Variants in PRTG observed in about 807,000 individuals in gnomAD.
PRTG encodes immunoglobulin superfamily, DCC subclass, member 5.
In PRTG, 67 loss-of-function variants were observed where a neutral mutation model predicts 122.5. That is an observed-to-expected ratio of 0.55 (90% confidence interval 0.45 to 0.67). The LOEUF (loss-of-function observed/expected upper bound fraction) is 0.67. Among genes scored for constraint, PRTG ranks in the 30% least tolerant of loss-of-function variants. PRTG has a pLI of 0.00. For missense variants in PRTG, 1,435 were observed against 1,415.4 expected (o/e 1.01, Z -0.22); for synonymous variants, 554 against 501.1 (o/e 1.11, Z -1.41).
intron 2 of PRTG, among the ~76,000 whole-genome samples, chr15:55,693,241 G>C (rs548777295): frequency 3.9e-5 from 6 of 152,220 alleles, no homozygotes; most frequent in South Asian, 2.1e-4. Flanking sequence ...CAGATCACCT[G>C]AGATCGGGTG....
chr15:55,642,429 C>T (rs915755125), intron 11 of PRTG, among the ~76,000 whole-genome samples: 2 of 151,640 alleles, frequency 1.3e-5, no homozygotes, highest in African/African-American at 4.8e-5. Context: ...TGAGCCCTGC[C>T]AACATGGTGA....
At chr15:55,678,163 A>T in intron 7 of PRTG, 119 bp from the exon 8 acceptor site, 1 of 680,116 alleles carries the variant, frequency 1.5e-6, no homozygotes, top group Non-Finnish European at 2.4e-6. Flanking sequence ...ATTAAAATCA[A>T]GCATTTGTAG....
intron 2 of PRTG, among the ~76,000 whole-genome samples, chr15:55,701,870 T>C (rs2029904500): frequency 6.6e-6 from 1 of 152,186 alleles, no homozygotes; most frequent in Admixed American, 6.5e-5. Context: ...AATATATAAT[T>C]CTACTATTTA....
At chr15:55,644,028 C>T (rs948931329) in intron 11 of PRTG, among the ~76,000 whole-genome samples, 1 of 151,942 alleles carries the variant, frequency 6.6e-6, no homozygotes, top group Non-Finnish European at 1.5e-5. Flanking sequence ...CCACACCTGG[C>T]TAATTTCCCC....
intron 5 of PRTG, 128 bp downstream of exon 5, chr15:55,680,363 C>A: frequency 1.7e-6 from 2 of 1,192,746 alleles, no homozygotes; most frequent in African/African-American, 1.5e-5. Context: ...CACTGAAATG[C>A]CAAAAAAATT....
rs144954749 is a variant in PRTG at position 55,661,821 on chromosome 15, C to T, written c.2041+10624G>A. ...CTAAAGCAGTAAAACAACTTCAGGC[C>T]TACAAAAGTGATGACCATTTAGGCA... On this transcript the variant is annotated intron_variant, in intron 11 of 19. Transcript: ENST00000389286. 5.3e-4 allele frequency among the ~76,000 whole-genome samples: 81 copies of T among 151,826 alleles called. No individual in the cohort carries two copies. The East Asian group carries it at 0.014, about 26-fold the overall frequency.
At chr15:55,680,454 G>A in intron 5 of PRTG, 37 bp downstream of exon 5, 4 of 1,527,618 alleles carry the variant, frequency 2.6e-6, no homozygotes, top group South Asian at 1.3e-5. Flanking sequence ...CAAAATTTAA[G>A]GAAAAGACTT....
At chr15:55,651,535 G>T (rs1026098567) in intron 11 of PRTG, among the ~76,000 whole-genome samples, 1 of 152,112 alleles carries the variant, frequency 6.6e-6, no homozygotes, top group African/African-American at 2.4e-5. Context: ...GATTGAAGAT[G>T]AACTAAGATA....
At chr15:55,654,393 A>G (rs1405863752) in intron 11 of PRTG, among the ~76,000 whole-genome samples, 1 of 152,232 alleles carries the variant, frequency 6.6e-6, no homozygotes, top group African/African-American at 2.4e-5. Context: ...AAAGCGAGTA[A>G]AATGGAGTGA....
intron 11 of PRTG, chr15:55,656,188 G>A: frequency 3.5e-6 from 1 of 284,700 alleles, no homozygotes; most frequent in South Asian, 3.5e-5. Flanking sequence ...CTTTATAACT[G>A]CTTTTCCCCA....
At chr15:55,632,384 G>C (rs1187685390) in intron 15 of PRTG, among the ~76,000 whole-genome samples, 2 of 152,064 alleles carry the variant, frequency 1.3e-5, no homozygotes, top group East Asian at 3.9e-4. Flanking sequence ...CTATGAAATG[G>C]TCTCCTAGCT....
At chr15:55,629,371 A>ATGTGTGTGTG (rs1457708289) in intron 15 of PRTG, among the ~76,000 whole-genome samples, 116 of 35,498 alleles carry the variant, frequency 3.3e-3, no homozygotes, top group African/African-American at 6.1e-3. Flanking sequence ...ATATATATAT[A>ATGTGTGTGTG]TATATGTGTG....
chr15:55,631,102 T>G (rs867679892), intron 15 of PRTG, among the ~76,000 whole-genome samples: 2 of 152,170 alleles, frequency 1.3e-5, no homozygotes, highest in Non-Finnish European at 2.9e-5. Context: ...CTTGTTTTCA[T>G]GTTCTCTGGT....
intron 11 of PRTG, among the ~76,000 whole-genome samples, chr15:55,643,335 T>C (rs1595614578): frequency 6.6e-6 from 1 of 152,208 alleles, no homozygotes; most frequent in Non-Finnish European, 1.5e-5. Flanking sequence ...GACTATCCTA[T>C]AGAAAATGTC....
In PRTG at chr15:55,740,693, A is replaced by G. The variant is rs2031582305; in HGVS notation, c.95-9T>C. The G allele has an allele frequency of 1.3e-6, 2 of 1,580,502 alleles. No individual in the cohort carries two copies. The highest frequency in any genetic ancestry group is 2.2e-5 in the East Asian group (1 of 44,598). ...GCTAAAGCACCACACTCCTATAAGG[A>G]AAAAAAAGGAGAACGGCACATCCAG... On this transcript the variant is annotated splice_polypyrimidine_tract_variant and intron_variant, in intron 1 of 19. Transcript: ENST00000389286.
intron 18 of PRTG, among the ~76,000 whole-genome samples, chr15:55,623,671 T>C (rs2059178907): frequency 6.6e-6 from 1 of 152,206 alleles, no homozygotes; most frequent in African/African-American, 2.4e-5. Context: ...TTATAGCACA[T>C]TGGTTGTGGG....
At position 55,611,785 on chromosome 15, in the gene PRTG, C is replaced by T. The variant is rs912835166; in HGVS notation, c.*8227G>A. On this transcript the variant is annotated 3_prime_UTR_variant, in exon 20 of 20. Transcript: ENST00000389286. Reference sequence around the variant, plus strand: ...GTTTTAAGAAGACATTAAAAAGATACATTCAAAATCAAGGCAAACATTTGC... The same window carrying T: ...GTTTTAAGAAGACATTAAAAAGATATATTCAAAATCAAGGCAAACATTTGC... 6 of 151,660 alleles carry T rather than the reference C, an allele frequency of 4.0e-5. No individual in the cohort carries two copies. Among genetic ancestry groups the T allele is most frequent in the Admixed American group, 6.6e-5 (1 of 15,216 alleles). The allele number at this position is 151,660 out of a possible 1,614,324, so 9.4% of individuals were successfully genotyped here.
intron 2 of PRTG, among the ~76,000 whole-genome samples, chr15:55,727,623 C>T (rs746246882): frequency 7.2e-5 from 11 of 152,044 alleles, no homozygotes; most frequent in Non-Finnish European, 1.2e-4. Flanking sequence ...TGGTGAAACC[C>T]CGTCTCTACT....
At chr15:55,629,038 T>C in intron 15 of PRTG, 34 bp from the exon 16 acceptor site, 1 of 1,432,356 alleles carries the variant, frequency 7.0e-7, no homozygotes, top group Non-Finnish European at 9.6e-7. Flanking sequence ...TAAGTGAACA[T>C]TTATCTTTTA....
Sources: gnomAD v4.1 joint callset for allele counts (sites outside exome capture counted in the v4.1 genomes callset) on GRCh38, gnomAD v4.1.1 for gene constraint, MANE v1.5 for transcripts, NCBI Gene and HGNC (gene_info 2026-07-23, HGNC 2026-07-21) for gene names.